The following CHM variants were observed in gnomAD, a reference collection of about 807,000 sequenced individuals.
The protein encoded by CHM is CHM Rab escort protein, also known as rab proteins geranylgeranyltransferase component A 1.
A neutral mutation model predicts 49.0 loss-of-function variants in CHM; 10 were observed. The observed-to-expected ratio is 0.20, with a 90% CI of 0.13 to 0.35. The LOEUF (loss-of-function observed/expected upper bound fraction) is 0.35, where lower values mean the gene tolerates loss of function less well. Ranked by LOEUF, CHM falls within the 10% of genes least tolerant of loss-of-function variation. The pLI, the probability that CHM is intolerant of heterozygous loss-of-function variation, is 1.00. For missense variants in CHM, 455 were observed against 478.4 expected, an observed-to-expected ratio of 0.95 and a Z score of 0.46; for synonymous variants, 184 against 167.5, an observed-to-expected ratio of 1.10 and a Z score of -0.76.
At chrX:85,969,701 A>C (rs1050024613) in intron 4 of CHM, 3 of 112,262 alleles carry the variant, frequency 2.7e-5, no homozygotes, top group Non-Finnish European at 3.8e-5. Context: ...GAAAATATGG[A>C]ATCAACTTAA....
At chrX:85,969,264 T>C in intron 4 of CHM, 1 of 727,151 alleles carries the variant, frequency 1.4e-6, no homozygotes, top group Non-Finnish European at 1.6e-6. Flanking sequence ...TTGTTAATAT[T>C]TTAGAAAGAT....
At chrX:85,915,453 C>A (rs1232776030) in intron 8 of CHM, among the ~76,000 whole-genome samples, 1 of 111,673 alleles carries the variant, frequency 9.0e-6, no homozygotes, top group Admixed American at 9.5e-5. Context: ...CTGGCCAGGG[C>A]AGTCAGGCAA....
intron 13 of CHM, 46 bp from the exon 14 acceptor site, chrX:85,873,258 T>C (rs1485805890): frequency 2.1e-6 from 2 of 945,342 alleles, no homozygotes; most frequent in African/African-American, 3.9e-5. Context: ...ATACAATATG[T>C]TTGTCAATTA....
At chrX:85,924,281 T>C (rs955485052) in intron 8 of CHM, among the ~76,000 whole-genome samples, 1 of 111,222 alleles carries the variant, frequency 9.0e-6, no homozygotes. Flanking sequence ...GCAGTGCACA[T>C]GAAGAAGTGG....
At chrX:86,025,496 C>A (rs868097808) in intron 2 of CHM, among the ~76,000 whole-genome samples, 2 of 109,336 alleles carry the variant, frequency 1.8e-5, no homozygotes, top group African/African-American at 3.3e-5. Flanking sequence ...GGTAGCATAG[C>A]GAGATTCCAT....
intron 1 of CHM, among the ~76,000 whole-genome samples, chrX:86,030,472 T>G (rs1933995109): frequency 9.0e-6 from 1 of 110,969 alleles, no homozygotes; most frequent in East Asian, 2.8e-4. Flanking sequence ...AGATATTTGC[T>G]GAAGAAAAGA....
chrX:86,037,962 T>G (rs1934314668), intron 1 of CHM, among the ~76,000 whole-genome samples: 1 of 111,165 alleles, frequency 9.0e-6, no homozygotes, highest in African/African-American at 3.3e-5. Flanking sequence ...TCTTGAAAAT[T>G]TAATTTGGAA....
At chrX:85,891,486 T>C (rs1044309479) in intron 12 of CHM, among the ~76,000 whole-genome samples, 1 of 112,302 alleles carries the variant, frequency 8.9e-6, no homozygotes, top group Admixed American at 9.4e-5. Context: ...GGGCCCAACA[T>C]AGAGCTCAGG....
rs915691948 is a variant in CHM at position 86,002,134 on chromosome X, T to C, written c.117-20325A>G. On this transcript the variant is annotated intron_variant, in intron 2 of 14. Coordinates refer to ENST00000357749, the MANE Select transcript of CHM (RefSeq NM_000390.4). Reference sequence around the variant, plus strand: ...TATGAGCAAAGATGATATATGCCACTCCAGGTCCAGGACTTAAAAGAACAA... The same window carrying C: ...TATGAGCAAAGATGATATATGCCACCCCAGGTCCAGGACTTAAAAGAACAA... Among the ~76,000 whole-genome samples, 9 of 111,855 alleles carry C rather than the reference T, an allele frequency of 8.0e-5. No homozygotes were observed. In the Admixed American group the frequency reaches 8.5e-4, roughly 11 times the overall value.
At chrX:86,027,605 T>G in intron 1 of CHM, 48 bp from the exon 2 acceptor site, 1 of 1,076,618 alleles carries the variant, frequency 9.3e-7, no homozygotes, top group Non-Finnish European at 1.3e-6. Flanking sequence ...AATATATATA[T>G]TTTACATAAA....
At chrX:85,889,193 CA>C (rs1339612005) in intron 12 of CHM, among the ~76,000 whole-genome samples, 1 of 111,455 alleles carries the variant, frequency 9.0e-6, no homozygotes, top group Non-Finnish European at 1.9e-5. Flanking sequence ...GCAATTGCAA[CA>C]AAAACAAAAA....
At chrX:85,901,966 A>T (rs1158740881) in intron 9 of CHM, among the ~76,000 whole-genome samples, 1 of 111,751 alleles carries the variant, frequency 8.9e-6, no homozygotes, top group African/African-American at 3.2e-5. Flanking sequence ...CAAGTTATAA[A>T]TGTACTTTAT....
intron 9 of CHM, among the ~76,000 whole-genome samples, chrX:85,910,245 C>T (rs1454859981): frequency 9.0e-6 from 1 of 111,296 alleles, no homozygotes; most frequent in Non-Finnish European, 1.9e-5. Context: ...TTGTATGCCA[C>T]TTAAACGATA....
chrX:85,864,582 G>C lies in CHM; in HGVS notation c.*48C>G. Reference sequence around the variant, plus strand: ...AGTCCTTCTATCAAGTAGACTCTGAGACCAGTCAGAATTTCCAAAGTTGGG... The same window carrying C: ...AGTCCTTCTATCAAGTAGACTCTGACACCAGTCAGAATTTCCAAAGTTGGG... On this transcript the variant is annotated 3_prime_UTR_variant, in exon 15 of 15. Transcript: ENST00000357749. 9.4e-7 allele frequency: 1 copy of C among 1,064,233 alleles called. No homozygotes were observed. The highest frequency in any genetic ancestry group is 2.3e-5 in the Admixed American group (1 of 43,877). The allele number at this position is 1,064,233 out of a possible 1,213,427, so 87.7% of individuals were successfully genotyped here.
At position 85,862,404 on chromosome X, in the gene CHM, A is replaced by G. The variant is rs1283451681; in HGVS notation, c.*2226T>C. ...GTATTCAGACTCAATCGTCTCATCTACTGGAACCTTTTATAATATATTGCT... is the reference window on the plus strand; with the variant it reads ...GTATTCAGACTCAATCGTCTCATCTGCTGGAACCTTTTATAATATATTGCT... On this transcript the variant is annotated 3_prime_UTR_variant, in exon 15 of 15. Coordinates refer to ENST00000357749, the MANE Select transcript of CHM (RefSeq NM_000390.4). 8.9e-6 allele frequency: 1 copy of G among 112,619 alleles called. No homozygotes were observed. Among genetic ancestry groups the G allele is most frequent in the Non-Finnish European group, 1.9e-5 (1 of 53,295 alleles). 9.3% of individuals were successfully genotyped at this position (112,619 alleles called of 1,213,427 possible). A position where few individuals can be genotyped will look rare whatever the true frequency, so the allele number is the denominator to read the frequency against.
chrX:86,035,498 A>C (rs1346931219), intron 1 of CHM, among the ~76,000 whole-genome samples: 1 of 111,745 alleles, frequency 8.9e-6, no homozygotes, highest in Admixed American at 9.5e-5. Flanking sequence ...TAAAGAAAAA[A>C]TCATTTCAGA....
intron 9 of CHM, among the ~76,000 whole-genome samples, chrX:85,902,670 A>C (rs971959386): frequency 9.9e-5 from 11 of 111,400 alleles, no homozygotes; most frequent in Non-Finnish European, 2.1e-4. Flanking sequence ...TTTACATCTG[A>C]TATTCTCCAA....
At chrX:85,924,980 A>C (rs1036440851) in intron 8 of CHM, among the ~76,000 whole-genome samples, 1 of 112,019 alleles carries the variant, frequency 8.9e-6, no homozygotes, top group African/African-American at 3.2e-5. Context: ...GATACATTCA[A>C]TATCTTTCAG....
At chrX:85,944,070 T>G (rs1929273839) in intron 8 of CHM, among the ~76,000 whole-genome samples, 1 of 111,987 alleles carries the variant, frequency 8.9e-6, no homozygotes, top group African/African-American at 3.2e-5. Flanking sequence ...ATCTCAATGT[T>G]GCTCTGACTT....
Sources: allele counts gnomAD v4.1 joint callset (sites outside exome capture counted in the v4.1 genomes callset), GRCh38; gene constraint gnomAD v4.1.1; transcripts MANE v1.5; gene names NCBI Gene and HGNC (gene_info 2026-07-23, HGNC 2026-07-21).